Variants in KCNH1 observed in about 807,000 individuals in gnomAD.
KCNH1 encodes the protein voltage-gated delayed rectifier potassium channel KCNH1.
KCNH1 carries 27 observed loss-of-function variants against 69.2 expected under a neutral mutation model. The observed-to-expected ratio is 0.39, with a 90% confidence interval of 0.29 to 0.54. The LOEUF (loss-of-function observed/expected upper bound fraction) is 0.54, where lower values mean the gene tolerates loss of function less well. KCNH1 is among the 20% of genes least tolerant of loss of function. The pLI, the probability that KCNH1 is intolerant of heterozygous loss-of-function variation, is 0.68. For missense variants in KCNH1, 798 were observed against 1,261.6 expected (o/e 0.63, Z 5.57); for synonymous variants, 456 against 487.7 (o/e 0.93, Z 0.86).
chr1:210,702,461 TTTTA>T (rs1681805382), intron 10 of KCNH1, among the ~76,000 whole-genome samples: 1 of 152,210 alleles, frequency 6.6e-6, no homozygotes, highest in Admixed American at 6.5e-5. Context: ...TTTTCCAGAC[TTTTA>T]TTATGTTTTA....
At chr1:211,078,201 A>G (rs894319198) in intron 5 of KCNH1, among the ~76,000 whole-genome samples, 18 of 152,190 alleles carry the variant, frequency 1.2e-4, no homozygotes, top group African/African-American at 4.3e-4. Flanking sequence ...TCAATATTAG[A>G]CAGATCAATG....
intron 6 of KCNH1, among the ~76,000 whole-genome samples, chr1:210,964,727 G>A (rs1451446183): frequency 6.6e-6 from 1 of 152,148 alleles, no homozygotes; most frequent in Non-Finnish European, 1.5e-5. Context: ...TAGAAAAACA[G>A]GGACTCATCC....
intron 7 of KCNH1, among the ~76,000 whole-genome samples, chr1:210,841,503 TC>T (rs1685409768): frequency 6.6e-6 from 1 of 152,196 alleles, no homozygotes; most frequent in Admixed American, 6.6e-5. Context: ...TAACTTCTAC[TC>T]CTATATAGCT....
At chr1:210,803,570 T>C (rs1366535320) in intron 8 of KCNH1, among the ~76,000 whole-genome samples, 3 of 152,184 alleles carry the variant, frequency 2.0e-5, no homozygotes, top group African/African-American at 7.2e-5. Flanking sequence ...TATCAAAAGT[T>C]TGAATAAAGA....
intron 1 of KCNH1, among the ~76,000 whole-genome samples, chr1:211,115,777 A>G (rs1165657227): frequency 4.0e-5 from 6 of 149,858 alleles, no homozygotes; most frequent in Non-Finnish European, 1.5e-5. Context: ...GTCCTTCTAG[A>G]GAACCCTGAC....
intron 6 of KCNH1, among the ~76,000 whole-genome samples, chr1:210,943,463 C>A (rs1394771886): frequency 6.6e-6 from 1 of 152,138 alleles, no homozygotes; most frequent in African/African-American, 2.4e-5. Context: ...AATCTCCTGC[C>A]TCAGTCTCCC....
At chr1:210,782,505 C>A (rs1684007164) in intron 9 of KCNH1, among the ~76,000 whole-genome samples, 1 of 152,128 alleles carries the variant, frequency 6.6e-6, no homozygotes, top group Admixed American at 6.5e-5. Context: ...GTGGGCAGAG[C>A]ACTTGAGGTC....
intron 4 of KCNH1, among the ~76,000 whole-genome samples, chr1:211,087,373 G>T (rs1394040186): frequency 1.3e-5 from 2 of 152,054 alleles, no homozygotes; most frequent in East Asian, 3.9e-4. Context: ...TCATCCTTTG[G>T]TGAGCAATAT....
chr1:210,890,409 A>G (rs1686719235), intron 7 of KCNH1, among the ~76,000 whole-genome samples: 1 of 152,234 alleles, frequency 6.6e-6, no homozygotes, highest in East Asian at 1.9e-4. Flanking sequence ...AGGATTAAAG[A>G]CTTAAATGTA....
chr1:210,744,874 G>A (rs1683113879), intron 10 of KCNH1, among the ~76,000 whole-genome samples: 1 of 152,026 alleles, frequency 6.6e-6, no homozygotes, highest in African/African-American at 2.4e-5. Context: ...GCTACCCTGA[G>A]ATGTAAATGT....
intron 5 of KCNH1, among the ~76,000 whole-genome samples, chr1:211,050,191 C>CT (rs1171983349): frequency 1.4e-5 from 2 of 142,326 alleles, no homozygotes; most frequent in Non-Finnish European, 3.0e-5. Flanking sequence ...TTCCAAAAAG[C>CT]TTCCCTGTTT....
intron 7 of KCNH1, among the ~76,000 whole-genome samples, chr1:210,822,985 T>G (rs1009284974): frequency 2.0e-5 from 3 of 152,188 alleles, no homozygotes; most frequent in African/African-American, 7.2e-5. Context: ...CCTCAATGCC[T>G]GACACAGAGT....
intron 10 of KCNH1, among the ~76,000 whole-genome samples, chr1:210,734,983 CT>C (rs745650957): frequency 1.3e-5 from 2 of 152,202 alleles, no homozygotes; most frequent in Non-Finnish European, 2.9e-5. Context: ...CAACTGGCCA[CT>C]ACCTGACTCT....
intron 6 of KCNH1, among the ~76,000 whole-genome samples, chr1:211,013,939 T>C (rs1271218485): frequency 1.3e-5 from 2 of 152,238 alleles, no homozygotes; most frequent in African/African-American, 4.8e-5. Context: ...AAACTTGTCA[T>C]GCTGTCATCT....
intron 5 of KCNH1, among the ~76,000 whole-genome samples, chr1:211,047,089 C>A (rs1448003599): frequency 6.6e-6 from 1 of 152,140 alleles, no homozygotes; most frequent in Non-Finnish European, 1.5e-5. Context: ...GTTTTACATT[C>A]TTTATTTCAT....
At chr1:211,001,420 T>C (rs972102431) in intron 6 of KCNH1, among the ~76,000 whole-genome samples, 4 of 151,928 alleles carry the variant, frequency 2.6e-5, no homozygotes, top group Non-Finnish European at 5.9e-5. Context: ...AAAATGCTCA[T>C]CATCACTGGC....
chr1:210,943,745 C>T (rs1687912389), intron 6 of KCNH1, among the ~76,000 whole-genome samples: 3 of 152,220 alleles, frequency 2.0e-5, no homozygotes, highest in South Asian at 4.1e-4. Context: ...TAAAAAGATG[C>T]TCCTTGCATC....
At chr1:210,864,539 C>T (rs1256368063) in intron 7 of KCNH1, among the ~76,000 whole-genome samples, 1 of 152,196 alleles carries the variant, frequency 6.6e-6, no homozygotes, top group Non-Finnish European at 1.5e-5. Context: ...TCACAGTAAA[C>T]ACTCAACGGA....
intron 7 of KCNH1, among the ~76,000 whole-genome samples, chr1:210,847,692 G>T (rs1229218922): frequency 6.6e-6 from 1 of 151,486 alleles, no homozygotes; most frequent in Non-Finnish European, 1.5e-5. Flanking sequence ...TAACAAAGCT[G>T]CACGTTGTGC....
Sources: allele counts gnomAD v4.1 joint callset (sites outside exome capture counted in the v4.1 genomes callset), GRCh38; gene constraint gnomAD v4.1.1; transcripts MANE v1.5; gene names NCBI Gene and HGNC (gene_info 2026-07-23, HGNC 2026-07-21).